LNX1: variants seen among roughly 807,000 people sequenced by gnomAD.
LNX1 encodes E3 ubiquitin-protein ligase LNX.
Under a neutral mutation model 68.4 loss-of-function variants are expected in LNX1, and 54 were observed. That is an observed-to-expected ratio of 0.79 (90% confidence interval 0.63 to 0.99). LNX1 has a LOEUF of 0.99. Among genes scored for constraint, LNX1 ranks in the 50% least tolerant of loss-of-function variants. The probability of loss-of-function intolerance (pLI) is 0.00; values close to 1 mark genes in which losing one functional copy is unlikely to be tolerated. For synonymous variants in LNX1, 336 were observed against 350.0 expected (o/e 0.96, Z 0.45); for missense variants, 906 against 926.4 (o/e 0.98, Z 0.29).
chr4:53,549,561 T>C (rs536389861), intron 2 of LNX1: 1 of 151,740 alleles, frequency 6.6e-6, no homozygotes, highest in African/African-American at 2.4e-5. Context: ...TAAAGAATTA[T>C]GGTTGTTTTT....
chr4:53,576,184 TG>T, intron 1 of LNX1: 2 of 1,580,648 alleles, frequency 1.3e-6, no homozygotes, highest in Non-Finnish European at 1.7e-6. Context: ...CTTTCAGTGG[TG>T]GGTGGATGTG....
chr4:53,462,341 T>C (rs1012027155), intron 9 of LNX1, among the ~76,000 whole-genome samples: 5 of 145,838 alleles, frequency 3.4e-5, no homozygotes, highest in South Asian at 4.2e-4. Flanking sequence ...AGTGTTCATA[T>C]AGGTACAGGC....
intron 6 of LNX1, 44 bp from the exon 7 acceptor site, chr4:53,481,898 C>T (rs2109419822): frequency 6.6e-7 from 1 of 1,512,422 alleles, no homozygotes; most frequent in Non-Finnish European, 8.9e-7. Flanking sequence ...AGTTTCCATC[C>T]ACTGCATTCA....
chr4:53,489,844 C>A (rs944609782), intron 6 of LNX1, among the ~76,000 whole-genome samples: 2 of 151,872 alleles, frequency 1.3e-5, no homozygotes, highest in African/African-American at 4.8e-5. Context: ...CATGGTAAGA[C>A]AATTTATTTA....
chr4:53,530,529 C>A (rs1194133535), intron 2 of LNX1, among the ~76,000 whole-genome samples: 1 of 152,174 alleles, frequency 6.6e-6, no homozygotes, highest in Non-Finnish European at 1.5e-5. Context: ...CAGTGAAACA[C>A]TTCATAAAAG....
intron 2 of LNX1, among the ~76,000 whole-genome samples, chr4:53,556,614 G>A (rs143311709): frequency 3.3e-4 from 51 of 152,278 alleles, no homozygotes; most frequent in African/African-American, 1.1e-3. Context: ...CTTCTGCAAG[G>A]TCATTATTTC....
chr4:53,601,105 G>T (rs1477349021), intron 2 of LNX1, among the ~76,000 whole-genome samples: 1 of 143,560 alleles, frequency 7.0e-6, no homozygotes, highest in South Asian at 2.4e-4. Flanking sequence ...GAGGGAGGGA[G>T]GGGGGGAGGG....
intron 1 of LNX1, chr4:53,652,020 T>TGAGAGAGAGAGAGA (rs397993377): frequency 5.0e-4 from 54 of 106,976 alleles, no homozygotes; most frequent in African/African-American, 1.7e-3. Context: ...TGTGTGTGTG[T>TGAGAGAGAGAGAGA]GAGAGAGAGA....
At chr4:53,623,879 C>A (rs993420931) in intron 1 of LNX1, among the ~76,000 whole-genome samples, 1 of 152,170 alleles carries the variant, frequency 6.6e-6, no homozygotes, top group Admixed American at 6.5e-5. Flanking sequence ...AAGTTAAACC[C>A]AGGTCTGTCT....
chr4:53,604,737 G>A (rs1733158031), intron 2 of LNX1, among the ~76,000 whole-genome samples: 1 of 152,186 alleles, frequency 6.6e-6, no homozygotes, highest in African/African-American at 2.4e-5. Context: ...CTCATATAAT[G>A]AACTAGAAGG....
intron 1 of LNX1, among the ~76,000 whole-genome samples, chr4:53,635,442 A>T (rs1195117917): frequency 1.3e-5 from 2 of 152,198 alleles, no homozygotes; most frequent in Non-Finnish European, 2.9e-5. Context: ...TTTCATTTAG[A>T]TTGATGTTCT....
intron 2 of LNX1, among the ~76,000 whole-genome samples, chr4:53,554,694 A>G (rs1729768908): frequency 6.6e-6 from 1 of 152,174 alleles, no homozygotes; most frequent in Admixed American, 6.5e-5. Context: ...TCTACTAAAA[A>G]TACAAAAATT....
At chr4:53,569,654 T>C (rs1397254510) in intron 2 of LNX1, among the ~76,000 whole-genome samples, 2 of 151,468 alleles carry the variant, frequency 1.3e-5, no homozygotes, top group Non-Finnish European at 2.9e-5. Flanking sequence ...AAAGACAAAA[T>C]TGAGAAATGG....
chr4:53,497,912 T>C (rs754149020), intron 5 of LNX1, among the ~76,000 whole-genome samples: 1 of 152,202 alleles, frequency 6.6e-6, no homozygotes, highest in Non-Finnish European at 1.5e-5. Flanking sequence ...GGGATAGAAC[T>C]GTTATCTGAG....
At chr4:53,486,746 T>A (rs1229032133) in intron 6 of LNX1, among the ~76,000 whole-genome samples, 3 of 152,202 alleles carry the variant, frequency 2.0e-5, no homozygotes, top group Admixed American at 6.5e-5. Flanking sequence ...TGGCTTTCTG[T>A]CGTTTTGTTT....
At chr4:53,488,023 T>C (rs932610339) in intron 6 of LNX1, among the ~76,000 whole-genome samples, 2 of 152,194 alleles carry the variant, frequency 1.3e-5, no homozygotes, top group African/African-American at 2.4e-5. Flanking sequence ...CCCTGGGAAA[T>C]TGTGAAGGCA....
upstream of LNX1, among the ~76,000 whole-genome samples, chr4:53,592,599 C>T (rs981569459): frequency 6.6e-6 from 1 of 152,196 alleles, no homozygotes; most frequent in Non-Finnish European, 1.5e-5. Context: ...TTTTTTTCCC[C>T]TTCAGGAAAA....
intron 2 of LNX1, among the ~76,000 whole-genome samples, chr4:53,560,370 T>A (rs1730200829): frequency 6.6e-6 from 1 of 152,202 alleles, no homozygotes; most frequent in South Asian, 2.1e-4. Context: ...AATATAAACA[T>A]GAATGTAAGG....
At chr4:53,521,791 C>T (rs1376227320) in intron 2 of LNX1, among the ~76,000 whole-genome samples, 1 of 152,040 alleles carries the variant, frequency 6.6e-6, no homozygotes, top group Non-Finnish European at 1.5e-5. Flanking sequence ...TTCTATCACC[C>T]TTGGGCCAGG....
Sources: allele counts gnomAD v4.1 joint callset (sites outside exome capture counted in the v4.1 genomes callset), GRCh38; gene constraint gnomAD v4.1.1; transcripts MANE v1.5; gene names NCBI Gene and HGNC (gene_info 2026-07-23, HGNC 2026-07-21).